FOXO3: variants seen among roughly 807,000 people sequenced by gnomAD.
FOXO3 encodes the protein forkhead box protein O3.
FOXO3 carries 4 observed loss-of-function variants against 41.9 expected under a neutral mutation model. The observed-to-expected ratio is 0.10, with a 90% confidence interval of 0.05 to 0.22. The LOEUF (loss-of-function observed/expected upper bound fraction) is 0.22, where lower values mean the gene tolerates loss of function less well. Ranked by LOEUF, FOXO3 falls within the 10% of genes least tolerant of loss-of-function variation. FOXO3 has a pLI of 1.00. For synonymous variants in FOXO3, 318 were observed against 389.3 expected (o/e 0.82, Z 2.16); for missense variants, 534 against 906.8 (o/e 0.59, Z 5.28).
At chr6:108,583,355 A>G (rs907680865) in intron 1 of FOXO3, among the ~76,000 whole-genome samples, 13 of 152,178 alleles carry the variant, frequency 8.5e-5, no homozygotes, top group African/African-American at 2.7e-4. Context: ...TGGTAGCCCT[A>G]TTATCCAGAG....
At chr6:108,570,478 A>G (rs1776067949) in intron 1 of FOXO3, among the ~76,000 whole-genome samples, 1 of 152,106 alleles carries the variant, frequency 6.6e-6, no homozygotes. Context: ...AATGAGCGCC[A>G]CGACACCCAG....
intron 1 of FOXO3, chr6:108,656,569 C>T (rs542228521): frequency 5.5e-5 from 52 of 937,256 alleles, no homozygotes; most frequent in Middle Eastern, 5.4e-4. Flanking sequence ...TCACTGCTTC[C>T]GTGTGGGATC....
Position 108,683,790 on chromosome 6 carries a change from T to C in FOXO3, c.*3998T>C, listed in dbSNP as rs1427553085. 1 of 152,138 alleles carries C rather than the reference T, an allele frequency of 6.6e-6. No individual in the cohort carries two copies. The highest frequency in any genetic ancestry group is 1.5e-5 in the Non-Finnish European group (1 of 68,018). 9.4% of individuals were successfully genotyped at this position (152,138 alleles called of 1,614,324 possible). A position where few individuals can be genotyped will look rare whatever the true frequency, so the allele number is the denominator to read the frequency against. On this transcript the variant is annotated 3_prime_UTR_variant, in exon 3 of 3. Transcript: ENST00000406360. Reference sequence around the variant, plus strand: ...TTTCTTGCTGTATTTGGGTGAACATTGTATGATTAGGCATAATGTTAAAAA... The same window carrying C: ...TTTCTTGCTGTATTTGGGTGAACATCGTATGATTAGGCATAATGTTAAAAA...
rs1361140910 is a variant in FOXO3, at chr6:108,663,782, G to C, written c.949G>C (p.Ala317Pro). 6.2e-7 allele frequency: 1 copy of C among 1,613,810 alleles called. No individual in the cohort carries two copies. The highest frequency in any genetic ancestry group is 1.3e-5 in the African/African-American group (1 of 74,918). Residue 317 changes from alanine to proline, a missense_variant, in exon 2 of 3, where the codon GCC becomes CCC. Transcript: ENST00000406360. ...CTTCCGTTCACGCACCAATTCTAAC[G>C]CCAGCACAGTCAGTGGCCGCCTGTC... ...TDFRSRTNSNASTVSGRLSPI... is the reference protein window; with the variant it reads ...TDFRSRTNSNPSTVSGRLSPI...
intron 1 of FOXO3, among the ~76,000 whole-genome samples, chr6:108,592,226 A>G (rs1312974805): frequency 3.3e-5 from 5 of 152,166 alleles, no homozygotes; most frequent in African/African-American, 1.2e-4. Flanking sequence ...GTGTAAATAT[A>G]TTTGCCCAAA....
At position 108,657,801 on chromosome 6, in the gene FOXO3, A is replaced by G. The variant is rs1023656282; in HGVS notation, c.622-5654A>G. 2.6e-5 allele frequency among the ~76,000 whole-genome samples: 4 copies of G among 152,214 alleles called. No homozygotes were observed. In the East Asian group the frequency reaches 7.7e-4, roughly 29 times the overall value. The stretch of plus-strand genomic sequence containing the variant: ...TTTTGATACCAGGGAAGAAGTGGGG[A>G]AACATTGGAGTTCTGGTATTTTATC... On this transcript the variant is annotated intron_variant, in intron 1 of 2. Coordinates refer to ENST00000406360, the MANE Select transcript of FOXO3 (RefSeq NM_001455.4).
chr6:108,605,621 G>A (rs1777178762), intron 1 of FOXO3, among the ~76,000 whole-genome samples: 2 of 152,244 alleles, frequency 1.3e-5, no homozygotes, highest in Middle Eastern at 3.4e-3. Context: ...ATAAAGAGTG[G>A]GATTACAGGT....
At chr6:108,649,169 C>G (rs144771135) in intron 1 of FOXO3, among the ~76,000 whole-genome samples, 2 of 152,040 alleles carry the variant, frequency 1.3e-5, no homozygotes, top group African/African-American at 2.4e-5. Context: ...TCCTTGCCCC[C>G]GAATCCCACA....
chr6:108,575,567 A>C (rs1776240629), intron 1 of FOXO3, among the ~76,000 whole-genome samples: 1 of 152,220 alleles, frequency 6.6e-6, no homozygotes, highest in South Asian at 2.1e-4. Context: ...CAGAGTTTTT[A>C]TCTTACACAT....
intron 1 of FOXO3, chr6:108,617,863 A>C (rs565823278): frequency 9.4e-6 from 3 of 319,098 alleles, no homozygotes; most frequent in Non-Finnish European, 1.8e-5. Flanking sequence ...AGAATGGAGA[A>C]GGAGGAAATG....
intron 1 of FOXO3, among the ~76,000 whole-genome samples, chr6:108,598,290 T>TC (rs1353957118): frequency 6.6e-6 from 1 of 152,164 alleles, no homozygotes; most frequent in Non-Finnish European, 1.5e-5. Context: ...GGTAGTTTCT[T>TC]CATCAACTTG....
intron 1 of FOXO3, among the ~76,000 whole-genome samples, chr6:108,636,947 A>G (rs1329672878): frequency 6.6e-6 from 1 of 152,148 alleles, no homozygotes; most frequent in Admixed American, 6.6e-5. Context: ...CCTGTTCCGA[A>G]TAAGGAGGCT....
intron 1 of FOXO3, among the ~76,000 whole-genome samples, chr6:108,638,317 C>T (rs1364735407): frequency 1.3e-5 from 2 of 152,210 alleles, no homozygotes; most frequent in Non-Finnish European, 2.9e-5. Flanking sequence ...CTATGCCTAT[C>T]AAGGTTTGTC....
chr6:108,634,035 A>G (rs1778048082), intron 1 of FOXO3, among the ~76,000 whole-genome samples: 1 of 152,104 alleles, frequency 6.6e-6, no homozygotes, highest in South Asian at 2.1e-4. Flanking sequence ...CTTGTGAGTT[A>G]TTATATGGGC....
chr6:108,618,248 T>G, intron 1 of FOXO3: 1 of 787,936 alleles, frequency 1.3e-6, no homozygotes. Flanking sequence ...ATGATTGTTC[T>G]TAGTCTTGAC....
chr6:108,629,742 T>C (rs964058762), intron 1 of FOXO3, among the ~76,000 whole-genome samples: 1 of 152,174 alleles, frequency 6.6e-6, no homozygotes, highest in South Asian at 2.1e-4. Context: ...CTCTGGCTTT[T>C]TATGAATAAA....
intron 1 of FOXO3, among the ~76,000 whole-genome samples, chr6:108,614,599 C>A (rs1200946767): frequency 6.6e-6 from 1 of 152,004 alleles, no homozygotes; most frequent in Non-Finnish European, 1.5e-5. Flanking sequence ...TCTAATCTAT[C>A]TGTGTCTTTA....
At chr6:108,561,920 G>C in intron 1 of FOXO3, 91 bp downstream of exon 1, 1 of 1,461,374 alleles carries the variant, frequency 6.8e-7, no homozygotes, top group Non-Finnish European at 9.0e-7. Flanking sequence ...GCGCTTGCGG[G>C]CTCCAGGGCA....
At chr6:108,652,952 G>T (rs536946229) in intron 1 of FOXO3, among the ~76,000 whole-genome samples, 1 of 152,210 alleles carries the variant, frequency 6.6e-6, no homozygotes, top group South Asian at 2.1e-4. Context: ...GCCTGCTAAG[G>T]CCTTGCTCCA....
Sources: allele counts gnomAD v4.1 joint callset (sites outside exome capture counted in the v4.1 genomes callset), GRCh38; gene constraint gnomAD v4.1.1; transcripts MANE v1.5; gene names NCBI Gene and HGNC (gene_info 2026-07-23, HGNC 2026-07-21).